MMP16: variants seen among roughly 807,000 people sequenced by gnomAD.
MMP16 encodes the protein matrix metalloproteinase-16.
In MMP16, 12 loss-of-function variants were observed where a neutral mutation model predicts 67.8. That is an observed-to-expected ratio of 0.18 (90% CI 0.11 to 0.29). MMP16 has a LOEUF of 0.29. MMP16 is among the 10% of genes least tolerant of loss of function. The pLI, the probability that MMP16 is intolerant of heterozygous loss-of-function variation, is 1.00. For synonymous variants in MMP16, 249 were observed against 255.9 expected, an observed-to-expected ratio of 0.97 and a Z score of 0.26; for missense variants, 475 against 765.7, an observed-to-expected ratio of 0.62 and a Z score of 4.48.
intron 2 of MMP16, among the ~76,000 whole-genome samples, chr8:88,195,514 G>T (rs1281263558): frequency 6.6e-6 from 1 of 152,156 alleles, no homozygotes; most frequent in Non-Finnish European, 1.5e-5. Context: ...CTGTGATGAG[G>T]AGTACAATTT....
At chr8:88,253,627 C>T (rs1201265954) in intron 1 of MMP16, among the ~76,000 whole-genome samples, 13 of 151,942 alleles carry the variant, frequency 8.6e-5, no homozygotes, top group Non-Finnish European at 4.4e-5. Flanking sequence ...AATCATTTTA[C>T]ATTATGTTGC....
intron 1 of MMP16, among the ~76,000 whole-genome samples, chr8:88,275,569 TACAGTA>T (rs1178637003): frequency 1.3e-5 from 2 of 151,618 alleles, no homozygotes; most frequent in Non-Finnish European, 3.0e-5. Flanking sequence ...TATTCATAGT[TACAGTA>T]ACAATCCCAG....
intron 6 of MMP16, among the ~76,000 whole-genome samples, chr8:88,076,270 T>A (rs1808650527): frequency 6.6e-6 from 1 of 152,172 alleles, no homozygotes; most frequent in Non-Finnish European, 1.5e-5. Context: ...TATAGCATGA[T>A]TACTGTATAA....
chr8:88,198,106 G>T (rs899643574), intron 1 of MMP16, among the ~76,000 whole-genome samples: 10 of 152,254 alleles, frequency 6.6e-5, no homozygotes, highest in Middle Eastern at 3.4e-3. Flanking sequence ...ATTGTGATTG[G>T]AGCAAAAATT....
At chr8:88,184,994 T>G (rs902361735) in intron 3 of MMP16, among the ~76,000 whole-genome samples, 1 of 152,106 alleles carries the variant, frequency 6.6e-6, no homozygotes, top group African/African-American at 2.4e-5. Context: ...AGTAAAAATA[T>G]CTTGTGAGCA....
chr8:88,175,799 C>G (rs909825582), intron 3 of MMP16, among the ~76,000 whole-genome samples: 21 of 152,110 alleles, frequency 1.4e-4, no homozygotes, highest in Admixed American at 1.3e-4. Context: ...GTAATTGAAT[C>G]ATGGGGTCAG....
chr8:88,165,623 C>T (rs1186524994), intron 4 of MMP16, among the ~76,000 whole-genome samples: 1 of 151,930 alleles, frequency 6.6e-6, no homozygotes, highest in Non-Finnish European at 1.5e-5. Context: ...TTTGAAAAAA[C>T]AAAACAAACA....
chr8:88,097,075 A>C (rs1236788067), intron 6 of MMP16, among the ~76,000 whole-genome samples: 2 of 151,954 alleles, frequency 1.3e-5, no homozygotes, highest in Admixed American at 1.3e-4. Flanking sequence ...TTCACGTGGC[A>C]GATTTTAAAA....
chr8:88,219,900 T>C (rs919616879), intron 1 of MMP16, among the ~76,000 whole-genome samples: 11 of 152,104 alleles, frequency 7.2e-5, no homozygotes, highest in Admixed American at 2.6e-4. Flanking sequence ...AAACAGTCTT[T>C]TCATTTTTTT....
chr8:88,153,548 CAG>C (rs1414111380), intron 4 of MMP16, among the ~76,000 whole-genome samples: 1 of 152,076 alleles, frequency 6.6e-6, no homozygotes, highest in African/African-American at 2.4e-5. Flanking sequence ...ACAGAGCCCT[CAG>C]AAATAACACC....
Position 88,157,187 on chromosome 8 carries a change from A to G in MMP16, c.709+10482T>C, listed in dbSNP as rs193195682. Among the ~76,000 whole-genome samples, 21 of 152,146 alleles carry G rather than the reference A, an allele frequency of 1.4e-4. No homozygotes were observed. In the East Asian group the frequency reaches 4.1e-3, roughly 29 times the overall value. ...AACCATGGATTGAAATATTTGAACA[A>G]AAAAAATACACGGTTGCATCTGTAC... On this transcript the variant is annotated intron_variant, in intron 4 of 9. Transcript: ENST00000286614.
At chr8:88,056,390 A>C in intron 7 of MMP16, 112 bp from the exon 8 acceptor site, 1 of 329,828 alleles carries the variant, frequency 3.0e-6, no homozygotes, top group Non-Finnish European at 4.9e-6. Context: ...TTAAAATTAT[A>C]CTAAATATAT....
intron 4 of MMP16, among the ~76,000 whole-genome samples, chr8:88,153,743 G>A (rs1275860011): frequency 6.7e-6 from 1 of 149,046 alleles, no homozygotes; most frequent in East Asian, 2.0e-4. Context: ...TTAAACGTTA[G>A]ACCTAAAACC....
At chr8:88,326,088 G>A (rs1006627321) in intron 1 of MMP16, among the ~76,000 whole-genome samples, 2 of 151,832 alleles carry the variant, frequency 1.3e-5, no homozygotes, top group Non-Finnish European at 2.9e-5. Context: ...TTCATAATTC[G>A]TTTGAGAGTT....
intron 4 of MMP16, among the ~76,000 whole-genome samples, chr8:88,126,229 C>T (rs893704328): frequency 6.6e-6 from 1 of 151,618 alleles, no homozygotes; most frequent in Non-Finnish European, 1.5e-5. Flanking sequence ...AATATGAGTG[C>T]CTGGAGCTCT....
intron 4 of MMP16, among the ~76,000 whole-genome samples, chr8:88,139,506 T>C (rs1195924875): frequency 6.6e-6 from 1 of 151,502 alleles, no homozygotes; most frequent in Non-Finnish European, 1.5e-5. Context: ...CATTTATACA[T>C]ATGTAGGGAG....
intron 4 of MMP16, among the ~76,000 whole-genome samples, chr8:88,161,275 G>A (rs1270010454): frequency 2.0e-5 from 3 of 152,068 alleles, no homozygotes; most frequent in Non-Finnish European, 4.4e-5. Context: ...TTTAGTCTTG[G>A]GACGGTGTAT....
At chr8:88,268,668 C>T (rs1810517554) in intron 1 of MMP16, among the ~76,000 whole-genome samples, 1 of 152,142 alleles carries the variant, frequency 6.6e-6, no homozygotes, top group African/African-American at 2.4e-5. Flanking sequence ...TTGTCCATCA[C>T]TGGTCTAGTC....
In MMP16 at chr8:88,125,515, T is replaced by C. The variant is rs1807912527; in HGVS notation, c.710-6654A>G. Among the ~76,000 whole-genome samples, 7 of 152,054 alleles carry C rather than the reference T, an allele frequency of 4.6e-5. No individual in the cohort carries two copies. The South Asian group carries it at 1.4e-3, about 31-fold the overall frequency. On this transcript the variant is annotated intron_variant, in intron 4 of 9. Transcript: ENST00000286614. ...AATTAAACAAATATTTTAGATTAAA[T>C]CAATATAATTAAAACAACCTACGTA...
Sources: gnomAD v4.1 joint callset for allele counts (sites outside exome capture counted in the v4.1 genomes callset) on GRCh38, gnomAD v4.1.1 for gene constraint, MANE v1.5 for transcripts, NCBI Gene and HGNC (gene_info 2026-07-23, HGNC 2026-07-21) for gene names.